The following SRGAP1 variants were observed in gnomAD, a reference collection of about 807,000 sequenced individuals.
SRGAP1 encodes SLIT-ROBO Rho GTPase activating protein 1, also known as SLIT-ROBO Rho GTPase-activating protein 1.
SRGAP1 carries 43 observed loss-of-function variants against 121.9 expected under a neutral mutation model. That is an observed-to-expected ratio of 0.35 (90% CI 0.28 to 0.46). The LOEUF (loss-of-function observed/expected upper bound fraction) is 0.46, where lower values mean the gene tolerates loss of function less well. SRGAP1 is among the 20% of genes least tolerant of loss of function. The probability of loss-of-function intolerance (pLI) is 1.00; values close to 1 mark genes in which losing one functional copy is unlikely to be tolerated. For synonymous variants in SRGAP1, 447 were observed against 485.4 expected, an observed-to-expected ratio of 0.92 and a Z score of 1.04; for missense variants, 1,102 against 1,350.9, an observed-to-expected ratio of 0.82 and a Z score of 2.89.
In SRGAP1 at chr12:64,108,957, G is replaced by A. The variant is rs758580990; in HGVS notation, c.1839G>A (p.Ala613=). 1.0e-5 allele frequency: 16 copies of A among 1,602,454 alleles called. No homozygotes were observed. The East Asian group carries it at 1.6e-4, about 16-fold the overall frequency. Residue 613 remains alanine (A), a synonymous_variant, in exon 16 of 22, where the codon GCG becomes GCA. Transcript: ENST00000355086. ...GAATAGATAATCTCTATGAGAGGGC[G>A]CTTCACATCCGCAAACTCCTCCTGA... The part of the protein sequence containing the change: ...CIRIDNLYER[A]LHIRKLLLTL...
rs1195313279 is a variant in SRGAP1, at chr12:64,147,694, A to C, written c.*5022A>C. The C allele has an allele frequency of 5.0e-6, 2 of 398,490 alleles. No individual in the cohort carries two copies. Among genetic ancestry groups the C allele is most frequent in the Non-Finnish European group, 8.8e-6 (2 of 226,100 alleles). The allele number at this position is 398,490 out of a possible 1,614,324, so 24.7% of individuals were successfully genotyped here. On this transcript the variant is annotated 3_prime_UTR_variant, in exon 22 of 22. Coordinates refer to ENST00000355086, the MANE Select transcript of SRGAP1 (RefSeq NM_020762.4). ...TGCTTTTACAGTCTGGAAAGAAAAAAAATGTTTTGTTAATCTGTTGTGACA... is the reference window on the plus strand; with the variant it reads ...TGCTTTTACAGTCTGGAAAGAAAAACAATGTTTTGTTAATCTGTTGTGACA...
intron 16 of SRGAP1, among the ~76,000 whole-genome samples, chr12:64,109,877 G>T (rs960403097): frequency 6.6e-6 from 1 of 152,118 alleles, no homozygotes; most frequent in South Asian, 2.1e-4. Context: ...TTACAATCCC[G>T]CTGACTAGTC....
chr12:64,112,223 G>A (rs1423725723), intron 17 of SRGAP1, among the ~76,000 whole-genome samples: 1 of 152,104 alleles, frequency 6.6e-6, no homozygotes, highest in East Asian at 1.9e-4. Flanking sequence ...CGTGGTTTTT[G>A]TAGACAAAAA....
intron 12 of SRGAP1, among the ~76,000 whole-genome samples, chr12:64,093,483 AG>A (rs2036093431): frequency 6.6e-6 from 1 of 152,168 alleles, no homozygotes. Context: ...TAAATTCAGC[AG>A]AGATGTAAAC....
At chr12:63,994,819 C>T (rs943709113) in intron 3 of SRGAP1, among the ~76,000 whole-genome samples, 1 of 152,242 alleles carries the variant, frequency 6.6e-6, no homozygotes, top group African/African-American at 2.4e-5. Context: ...TTCTCCAGCT[C>T]TGCCTTCTGC....
chr12:64,141,378 G>A (rs2036960690), intron 21 of SRGAP1, among the ~76,000 whole-genome samples: 2 of 151,614 alleles, frequency 1.3e-5, no homozygotes, highest in Non-Finnish European at 2.9e-5. Flanking sequence ...TCAGGAGTTC[G>A]AGACCAGCCT....
At chr12:63,919,119 C>A (rs1448163602) in intron 1 of SRGAP1, among the ~76,000 whole-genome samples, 1 of 152,078 alleles carries the variant, frequency 6.6e-6, no homozygotes, top group Non-Finnish European at 1.5e-5. Flanking sequence ...GTGGTGTAAT[C>A]TCAGCTCACT....
rs1430006052 is a variant in SRGAP1, at chr12:64,116,934, A to T, written c.2224+1041A>T. Among the ~76,000 whole-genome samples the T allele has an allele frequency of 3.9e-5, 6 of 152,324 alleles. No individual in the cohort carries two copies. The South Asian group carries it at 6.2e-4, about 16-fold the overall frequency. ...TTTGGTGTGCTTTCCACAGGAAGGCATCAGTGAGGCAGGGTAAGCAGCTTT... is the reference window on the plus strand; with the variant it reads ...TTTGGTGTGCTTTCCACAGGAAGGCTTCAGTGAGGCAGGGTAAGCAGCTTT... On this transcript the variant is annotated intron_variant, in intron 18 of 21. Transcript: ENST00000355086.
rs1307195590 is a variant in SRGAP1 at position 64,027,524 on chromosome 12, G to C, written c.489+10512G>C. ...GAAAGGCATCTGAGGAAAAGGAGCA[G>C]TGAGAGCCAAGGCACAGAGTTGGGA... is the stretch of plus-strand genomic sequence containing the variant. On this transcript the variant is annotated intron_variant, in intron 4 of 21. Transcript: ENST00000355086. Among the ~76,000 whole-genome samples, 3 of 152,264 alleles carry C rather than the reference G, an allele frequency of 2.0e-5. No individual in the cohort carries two copies. In the East Asian group the frequency reaches 5.8e-4, roughly 29 times the overall value.
At chr12:63,854,108 C>T (rs1899161788) in intron 1 of SRGAP1, among the ~76,000 whole-genome samples, 2 of 152,132 alleles carry the variant, frequency 1.3e-5, no homozygotes, top group Non-Finnish European at 2.9e-5. Context: ...TCAGTGCTAG[C>T]CACCCAGGTT....
In SRGAP1 at chr12:64,105,658, C is replaced by T. The variant is rs61931207; in HGVS notation, c.1814-3274C>T. ...AATTAGTCAGGCATGGTGGTGGGTG[C>T]TCCTAATCCCAGCTACCTGGGAGCC... On this transcript the variant is annotated intron_variant, in intron 15 of 21. Coordinates refer to ENST00000355086, the MANE Select transcript of SRGAP1 (RefSeq NM_020762.4). Among the ~76,000 whole-genome samples, 594 of 152,260 alleles carry T rather than the reference C, an allele frequency of 3.9e-3. 2 individuals are homozygous for T. Among genetic ancestry groups the T allele is most frequent in the Admixed American group, 6.0e-3 (91 of 15,278 alleles).
chr12:63,856,681 A>G (rs1314307000), intron 1 of SRGAP1, among the ~76,000 whole-genome samples: 1 of 151,990 alleles, frequency 6.6e-6, no homozygotes, highest in African/African-American at 2.4e-5. Flanking sequence ...TACCAATCAC[A>G]CTATCTTAAC....
intron 3 of SRGAP1, among the ~76,000 whole-genome samples, chr12:64,001,761 G>A (rs2033907145): frequency 6.6e-6 from 1 of 152,186 alleles, no homozygotes; most frequent in Admixed American, 6.5e-5. Flanking sequence ...GCTAAGTAAA[G>A]TGTTGCTTAA....
At chr12:63,966,283 G>C (rs1439426175) in intron 1 of SRGAP1, among the ~76,000 whole-genome samples, 1 of 152,110 alleles carries the variant, frequency 6.6e-6, no homozygotes, top group Non-Finnish European at 1.5e-5. Flanking sequence ...AGCATTTTCT[G>C]TATGAGGCTC....
chr12:63,858,873 T>G (rs954881244), intron 1 of SRGAP1, among the ~76,000 whole-genome samples: 5 of 152,020 alleles, frequency 3.3e-5, no homozygotes, highest in Non-Finnish European at 7.4e-5. Context: ...CAGCTAATTT[T>G]TGTATTTTTA....
At chr12:63,931,266 C>T (rs1360471794) in intron 1 of SRGAP1, among the ~76,000 whole-genome samples, 1 of 152,140 alleles carries the variant, frequency 6.6e-6, no homozygotes, top group Non-Finnish European at 1.5e-5. Context: ...AGTCATCTTT[C>T]CCTGCTGTTC....
chr12:63,976,959 A>C (rs934474493), intron 1 of SRGAP1, among the ~76,000 whole-genome samples: 3 of 152,164 alleles, frequency 2.0e-5, no homozygotes, highest in Non-Finnish European at 4.4e-5. Flanking sequence ...GCAGAGTATA[A>C]GAGAAGCATA....
At position 63,900,204 on chromosome 12, in the gene SRGAP1, CT is replaced by C. The variant is rs67622101; in HGVS notation, c.67+55340del. ...CTTTTTTCTTTTTCTTTTTCTTTTTCTTTTTTTTTTTTTTTTTTTGAGGTGG... is the reference window on the plus strand; with the variant it reads ...CTTTTTTCTTTTTCTTTTTCTTTTTCTTTTTTTTTTTTTTTTTTGAGGTGG... On this transcript the variant is annotated intron_variant, in intron 1 of 21. Coordinates refer to ENST00000355086, the MANE Select transcript of SRGAP1 (RefSeq NM_020762.4). Among the ~76,000 whole-genome samples the C allele has an allele frequency of 3.5e-3, 307 of 87,566 alleles. 1 individual carries two copies. Among genetic ancestry groups the C allele is most frequent in the Middle Eastern group, 7.0e-3 (1 of 142 alleles). The allele number at this position is 87,566 out of a possible 152,430, so 57.4% of individuals were successfully genotyped here.
At chr12:63,849,712 A>G (rs1899012951) in intron 1 of SRGAP1, among the ~76,000 whole-genome samples, 1 of 152,202 alleles carries the variant, frequency 6.6e-6, no homozygotes, top group African/African-American at 2.4e-5. Flanking sequence ...CAGCAATTTA[A>G]GTTATGAATT....
Sources: allele counts gnomAD v4.1 joint callset (sites outside exome capture counted in the v4.1 genomes callset), GRCh38; gene constraint gnomAD v4.1.1; transcripts MANE v1.5; gene names NCBI Gene and HGNC (gene_info 2026-07-23, HGNC 2026-07-21).